Variants in DPP4 observed in about 807,000 individuals in gnomAD.
DPP4 encodes dipeptidyl peptidase 4, also known as ADCP-2.
DPP4 carries 93 observed loss-of-function variants against 122.4 expected under a neutral mutation model. The observed-to-expected ratio is 0.76, with a 90% CI of 0.64 to 0.90. DPP4 has a LOEUF of 0.90. Among genes scored for constraint, DPP4 ranks in the 40% least tolerant of loss-of-function variants. The probability of loss-of-function intolerance (pLI) is 0.00; values close to 1 mark genes in which losing one functional copy is unlikely to be tolerated. For missense variants in DPP4, 914 were observed against 907.3 expected, an observed-to-expected ratio of 1.01 and a Z score of -0.09; for synonymous variants, 321 against 302.9, an observed-to-expected ratio of 1.06 and a Z score of -0.62.
intron 19 of DPP4, among the ~76,000 whole-genome samples, chr2:162,012,638 T>C (rs1014834913): frequency 4.6e-5 from 7 of 152,058 alleles, no homozygotes; most frequent in African/African-American, 1.7e-4. Flanking sequence ...CTTCACAGGC[T>C]ACCATCTACC....
chr2:162,057,088 C>A (rs1015440816), intron 2 of DPP4, among the ~76,000 whole-genome samples: 2 of 150,882 alleles, frequency 1.3e-5, no homozygotes, highest in African/African-American at 2.5e-5. Context: ...TCCCTGCCTG[C>A]CAAATCATCC....
In DPP4 at chr2:162,020,594, T is replaced by G; in HGVS notation, c.1163A>C (p.Gln388Pro). Residue 388 changes from glutamine to proline, a missense_variant, in exon 13 of 26, where the codon CAA becomes CCA. Gln to Pro is a moderately conservative substitution (Grantham distance 76). Transcript: ENST00000360534. Reference sequence around the variant, plus strand: ...AAGAATACTCACTTTTTTATCTATTTGGAAATAGCAAATGTGTCTGTAACC... The same window carrying G: ...AAGAATACTCACTTTTTTATCTATTGGGAAATAGCAAATGTGTCTGTAACC... ...EEGYRHICYF[Q>P]IDKKDCTFIT... The G allele has an allele frequency of 6.2e-7, 1 of 1,604,416 alleles. No individual in the cohort carries two copies. Among genetic ancestry groups the G allele is most frequent in the Non-Finnish European group, 8.5e-7 (1 of 1,177,184 alleles).
Position 162,045,705 on chromosome 2 carries a change from G to A in DPP4, c.286-93C>T, listed in dbSNP as rs1331602236. The A allele has an allele frequency of 2.8e-5, 25 of 896,924 alleles. No individual in the cohort carries two copies. The South Asian group carries it at 2.8e-4, about 10-fold the overall frequency. The allele number at this position is 896,924 out of a possible 1,614,324, so 55.6% of individuals were successfully genotyped here. The stretch of plus-strand genomic sequence containing the variant: ...TCATAGGGGGTACTGTTCTAGACAT[G>A]TGGCTTGTGCTTTGGGAAGTCCTAA... On this transcript the variant is annotated intron_variant, in intron 4 of 25. Coordinates refer to ENST00000360534, the MANE Select transcript of DPP4 (RefSeq NM_001935.4).
chr2:162,063,356 T>TA (rs1395726888), intron 2 of DPP4, among the ~76,000 whole-genome samples: 3 of 152,166 alleles, frequency 2.0e-5, no homozygotes, highest in Non-Finnish European at 4.4e-5. Flanking sequence ...GGTTTGCAGG[T>TA]AAAATTGGAA....
At chr2:162,070,815 C>T (rs1365337287) in intron 2 of DPP4, among the ~76,000 whole-genome samples, 5 of 152,104 alleles carry the variant, frequency 3.3e-5, no homozygotes, top group Non-Finnish European at 7.4e-5. Flanking sequence ...GATGACTTCC[C>T]TTTTTTCCTT....
At chr2:161,999,469 G>T (rs1035081128) in intron 23 of DPP4, among the ~76,000 whole-genome samples, 2 of 152,194 alleles carry the variant, frequency 1.3e-5, no homozygotes, top group Non-Finnish European at 2.9e-5. Context: ...AGGATGCAAT[G>T]GTGGTGCAGT....
intron 12 of DPP4, among the ~76,000 whole-genome samples, chr2:162,021,972 C>T (rs893575403): frequency 6.6e-6 from 1 of 152,134 alleles, no homozygotes; most frequent in Non-Finnish European, 1.5e-5. Flanking sequence ...GGGGACCTCA[C>T]CTCTATGATC....
At chr2:162,033,893 T>C (rs2909454) in intron 9 of DPP4, among the ~76,000 whole-genome samples, 2,944 of 138,592 alleles carry the variant, frequency 0.021, 152 homozygotes, top group African/African-American at 0.076. Context: ...TATATATATA[T>C]ACACACTATA....
At chr2:162,057,801 C>T (rs1576070562) in intron 2 of DPP4, among the ~76,000 whole-genome samples, 1 of 152,170 alleles carries the variant, frequency 6.6e-6, no homozygotes, top group Admixed American at 6.5e-5. Context: ...GAGACAGAGT[C>T]TTACTCTGTC....
At position 162,016,936 on chromosome 2, in the gene DPP4, G is replaced by A. The variant is rs924788741; in HGVS notation, c.1469-70C>T. 5 of 1,476,518 alleles carry A rather than the reference G, an allele frequency of 3.4e-6. No homozygotes were observed. In the African/African-American group the frequency reaches 4.2e-5, roughly 12 times the overall value. 91.5% of individuals were successfully genotyped at this position (1,476,518 alleles called of 1,614,324 possible). On this transcript the variant is annotated intron_variant, in intron 17 of 25. Transcript: ENST00000360534. ...AATGTGGATTATGTAGTGCAATAATGAGCAAACATGAAATTCACTGATCGG... is the reference window on the plus strand; with the variant it reads ...AATGTGGATTATGTAGTGCAATAATAAGCAAACATGAAATTCACTGATCGG...
At chr2:162,029,762 G>T (rs915722732) in intron 10 of DPP4, among the ~76,000 whole-genome samples, 16 of 152,016 alleles carry the variant, frequency 1.1e-4, no homozygotes, top group Non-Finnish European at 2.2e-4. Context: ...ACAGATGTTG[G>T]GTGGGGTTAC....
At chr2:162,012,574 C>A (rs1202478163) in intron 19 of DPP4, among the ~76,000 whole-genome samples, 1 of 152,092 alleles carries the variant, frequency 6.6e-6, no homozygotes, top group Non-Finnish European at 1.5e-5. Flanking sequence ...GGAAAACGGG[C>A]ATGTCATTGG....
intron 16 of DPP4, 102 bp downstream of exon 16, chr2:162,018,627 A>G: frequency 7.1e-7 from 1 of 1,418,352 alleles, no homozygotes. Context: ...AAGGGGACTT[A>G]GGTGATTTCA....
intron 10 of DPP4, among the ~76,000 whole-genome samples, chr2:162,027,761 G>T (rs1329167044): frequency 2.6e-5 from 4 of 152,094 alleles, no homozygotes; most frequent in Admixed American, 2.0e-4. Context: ...CAATATAAAA[G>T]CAACCTTTCC....
intron 12 of DPP4, among the ~76,000 whole-genome samples, chr2:162,022,274 A>G (rs963446972): frequency 3.3e-5 from 5 of 152,238 alleles, no homozygotes; most frequent in African/African-American, 1.2e-4. Flanking sequence ...AATAAAGCAT[A>G]AGCCTGCAAG....
chr2:162,024,524 G>A (rs1157841634), intron 11 of DPP4, among the ~76,000 whole-genome samples: 1 of 152,122 alleles, frequency 6.6e-6, no homozygotes, highest in African/African-American at 2.4e-5. Flanking sequence ...ATTTACATCA[G>A]ATTCTATCTT....
Position 161,994,977 on chromosome 2 carries a change from A to T in DPP4, c.2183T>A (p.Val728Glu). 1 of 1,613,914 alleles carries T rather than the reference A, an allele frequency of 6.2e-7. No individual in the cohort carries two copies. The highest frequency in any genetic ancestry group is 8.5e-7 in the Non-Finnish European group (1 of 1,179,938). ...QISKALVDVG[V>E]DFQAMWYTDE... ...TTTCTATACCATTGCCTGGAAATCC[A>T]CTCCAACATCGACCAGGGCTTTGGA... The change falls in exon 25 of 26, where the codon GTG (valine) becomes GAG (glutamate). Residue 728 changes from valine (V) to glutamate (E), a missense_variant. Transcript: ENST00000360534.
intron 22 of DPP4, among the ~76,000 whole-genome samples, chr2:162,006,412 CAAAT>C (rs1701284121): frequency 6.6e-6 from 1 of 152,086 alleles, no homozygotes; most frequent in African/African-American, 2.4e-5. Flanking sequence ...ATAATAAAAA[CAAAT>C]AATTCAGTTA....
chr2:162,016,676 A>G (rs1372747793), intron 18 of DPP4, 92 bp downstream of exon 18: 23 of 762,030 alleles, frequency 3.0e-5, no homozygotes, highest in Non-Finnish European at 4.5e-5. Flanking sequence ...ATTTATATAT[A>G]ATATGAAATA....
Sources: allele counts gnomAD v4.1 joint callset (sites outside exome capture counted in the v4.1 genomes callset), GRCh38; gene constraint gnomAD v4.1.1; transcripts MANE v1.5; gene names NCBI Gene and HGNC (gene_info 2026-07-23, HGNC 2026-07-21).